USP34: variants seen among roughly 807,000 people sequenced by gnomAD.
The protein encoded by USP34 is ubiquitin carboxyl-terminal hydrolase 34.
Under a neutral mutation model 460.3 loss-of-function variants are expected in USP34, and 70 were observed. That is an observed-to-expected ratio of 0.15 (90% CI 0.13 to 0.19). The LOEUF is 0.19. Ranked by LOEUF, USP34 falls within the 10% of genes least tolerant of loss-of-function variation. The pLI is 1.00. For missense variants in USP34, 3,985 were observed against 4,236.2 expected (o/e 0.94, Z 1.65); for synonymous variants, 1,647 against 1,405.3 (o/e 1.17, Z -3.85).
intron 41 of USP34, among the ~76,000 whole-genome samples, chr2:61,273,403 C>T (rs1689275364): frequency 6.6e-6 from 1 of 152,064 alleles, no homozygotes; most frequent in Non-Finnish European, 1.5e-5. Flanking sequence ...CAGGAAAATA[C>T]TGAAAAGAAA....
Position 61,348,135 on chromosome 2 carries a change from C to A in USP34, c.2020G>T (p.Asp674Tyr). The A allele has an allele frequency of 6.2e-7, 1 of 1,614,192 alleles. No homozygotes were observed. The highest frequency in any genetic ancestry group is 8.5e-7 in the Non-Finnish European group (1 of 1,180,026). ...AATGATTCAGTGTTAAAAACCAGGT[C>A]CTTTCCTGTTCCGCTGCTTGTCCCA... ...RNGTSSGTGK[D>Y]LVFNTESLPS... Residue 674 changes from aspartate to tyrosine, a missense_variant, in exon 15 of 80, where the codon GAC becomes TAC. Asp to Tyr is a radical substitution (Grantham distance 160). This residue lies in a region of USP34 where 716 missense variants were observed against 626.2 expected (regional missense o/e 1.14). Transcript: ENST00000398571.
At chr2:61,459,465 T>G (rs917127572) in intron 1 of USP34, among the ~76,000 whole-genome samples, 1 of 152,178 alleles carries the variant, frequency 6.6e-6, no homozygotes, top group Middle Eastern at 3.4e-3. Context: ...CTCCTAAAAT[T>G]TGGGCACAAT....
intron 1 of USP34, among the ~76,000 whole-genome samples, chr2:61,451,498 A>G (rs1278187254): frequency 6.6e-6 from 1 of 151,750 alleles, no homozygotes; most frequent in East Asian, 2.0e-4. Context: ...CAGCCTGACC[A>G]AGAGAGAAAC....
At chr2:61,422,024 G>T (rs1211073639) in intron 1 of USP34, among the ~76,000 whole-genome samples, 2 of 152,170 alleles carry the variant, frequency 1.3e-5, no homozygotes, top group Non-Finnish European at 2.9e-5. Flanking sequence ...CAGTCACAAG[G>T]TAGTAACACC....
At position 61,339,335 on chromosome 2, in the gene USP34, T is replaced by G. The variant is rs1691518762; in HGVS notation, c.2744+16A>C. ...ACTTTGACTACTGCATTAAAAATTT[T>G]TAAATTCCTCTTTACCTGTTGTTTC... On this transcript the variant is annotated intron_variant, in intron 18 of 79. Transcript: ENST00000398571. The G allele has an allele frequency of 1.9e-5, 30 of 1,597,548 alleles. No individual in the cohort carries two copies. The East Asian group carries it at 6.7e-4, about 36-fold the overall frequency.
intron 25 of USP34, among the ~76,000 whole-genome samples, chr2:61,313,548 T>G (rs961208731): frequency 1.3e-5 from 2 of 152,136 alleles, no homozygotes; most frequent in Non-Finnish European, 2.9e-5. Flanking sequence ...CAGTGTAATA[T>G]CTGAATTTTA....
chr2:61,206,509 A>T (rs1038582839), intron 71 of USP34, among the ~76,000 whole-genome samples: 3 of 152,206 alleles, frequency 2.0e-5, no homozygotes, highest in Admixed American at 2.0e-4. Flanking sequence ...CTGTGTTTGG[A>T]AATGTTTTCC....
intron 20 of USP34, among the ~76,000 whole-genome samples, 170 bp from the exon 21 acceptor site, chr2:61,325,627 A>C (rs1432942637): frequency 6.6e-6 from 1 of 152,144 alleles, no homozygotes; most frequent in African/African-American, 2.4e-5. Flanking sequence ...AAAACAAAAA[A>C]ATTTATACTA....
At chr2:61,463,867 A>T (rs1241264994) in intron 1 of USP34, among the ~76,000 whole-genome samples, 1 of 151,948 alleles carries the variant, frequency 6.6e-6, no homozygotes, top group African/African-American at 2.4e-5. Flanking sequence ...CTAATCTGGG[A>T]TTAAGTCCTG....
intron 10 of USP34, 24 bp downstream of exon 10, chr2:61,370,297 A>G (rs576702895): frequency 1.2e-6 from 2 of 1,606,762 alleles, no homozygotes; most frequent in Non-Finnish European, 1.7e-6. Flanking sequence ...AAAGCACTCA[A>G]TAAATGTGAG....
intron 61 of USP34, among the ~76,000 whole-genome samples, 174 bp downstream of exon 61, chr2:61,228,471 G>C (rs1687794322): frequency 6.6e-6 from 1 of 152,048 alleles, no homozygotes; most frequent in Non-Finnish European, 1.5e-5. Context: ...TTTCTTTCTT[G>C]CTATATCCAT....
intron 10 of USP34, among the ~76,000 whole-genome samples, chr2:61,358,764 C>A (rs1692184254): frequency 6.6e-6 from 1 of 152,130 alleles, no homozygotes; most frequent in Non-Finnish European, 1.5e-5. Flanking sequence ...AGCAAATTCA[C>A]CAAGTTGCAA....
chr2:61,212,717 T>C (rs1666785635), intron 68 of USP34, among the ~76,000 whole-genome samples: 2 of 152,170 alleles, frequency 1.3e-5, no homozygotes, highest in African/African-American at 4.8e-5. Context: ...TTCATGAAAA[T>C]TTCTAATAGA....
intron 57 of USP34, among the ~76,000 whole-genome samples, chr2:61,233,213 C>T (rs1352302562): frequency 6.6e-6 from 1 of 151,986 alleles, no homozygotes; most frequent in African/African-American, 2.4e-5. Flanking sequence ...TGTTTAAAAA[C>T]AAATTATGAT....
At chr2:61,357,166 T>G (rs754246683) in intron 10 of USP34, among the ~76,000 whole-genome samples, 11 of 152,172 alleles carry the variant, frequency 7.2e-5, no homozygotes, top group Non-Finnish European at 1.6e-4. Context: ...ATGTGGGACA[T>G]GTTCCAAGAT....
At chr2:61,467,951 T>C (rs566424482) in intron 1 of USP34, among the ~76,000 whole-genome samples, 6 of 151,956 alleles carry the variant, frequency 3.9e-5, no homozygotes, top group Non-Finnish European at 8.8e-5. Flanking sequence ...TAAATCAACG[T>C]TGAACTGATG....
At chr2:61,412,767 T>TG (rs1694076527) in intron 2 of USP34, among the ~76,000 whole-genome samples, 2 of 151,202 alleles carry the variant, frequency 1.3e-5, no homozygotes, top group Non-Finnish European at 2.9e-5. Context: ...CACATGCCTG[T>TG]GGTCCCAGCT....
intron 2 of USP34, among the ~76,000 whole-genome samples, chr2:61,415,731 T>C (rs1397535866): frequency 6.6e-6 from 1 of 152,240 alleles, no homozygotes; most frequent in Non-Finnish European, 1.5e-5. Flanking sequence ...ATTACTTATG[T>C]TGGTACACCA....
intron 41 of USP34, among the ~76,000 whole-genome samples, chr2:61,274,179 C>G (rs1314088091): frequency 6.6e-6 from 1 of 151,772 alleles, no homozygotes; most frequent in Non-Finnish European, 1.5e-5. Flanking sequence ...CACCTGAGGT[C>G]AGGAGTTCAA....
Sources: allele counts gnomAD v4.1 joint callset (sites outside exome capture counted in the v4.1 genomes callset), GRCh38; gene constraint gnomAD v4.1.1; regional missense constraint gnomAD v4.1.1; transcripts MANE v1.5; gene names NCBI Gene and HGNC (gene_info 2026-07-23, HGNC 2026-07-21).